The following ERICH1 variants were observed in gnomAD, a reference collection of about 807,000 sequenced individuals.
ERICH1 encodes the protein glutamate-rich protein 1.
In ERICH1, 56 loss-of-function variants were observed where a neutral mutation model predicts 39.6. The observed-to-expected ratio is 1.41, with a 90% confidence interval of 1.14 to 1.77. The LOEUF is 1.77. Among genes scored for constraint, ERICH1 ranks in the 40% most tolerant of loss-of-function variants. The probability of loss-of-function intolerance (pLI) is 0.00; values close to 1 mark genes in which losing one functional copy is unlikely to be tolerated. For missense variants in ERICH1, 826 were observed against 575.4 expected (o/e 1.44, Z -4.45); for synonymous variants, 313 against 223.6 (o/e 1.40, Z -3.57).
At chr8:699,025 G>C (rs555286492) in intron 2 of ERICH1, among the ~76,000 whole-genome samples, 1 of 151,830 alleles carries the variant, frequency 6.6e-6, no homozygotes, top group Non-Finnish European at 1.5e-5. Context: ...AGGCTCAGTG[G>C]AGCCCAGGAG....
chr8:677,364 T>C (rs1585222184), intron 3 of ERICH1, among the ~76,000 whole-genome samples: 1 of 152,208 alleles, frequency 6.6e-6, no homozygotes, highest in Non-Finnish European at 1.5e-5. Flanking sequence ...CCACCGTGTC[T>C]TGTTGTGATT....
chr8:729,223 G>C (rs1352769149), intron 1 of ERICH1, among the ~76,000 whole-genome samples: 1 of 152,224 alleles, frequency 6.6e-6, no homozygotes, highest in Non-Finnish European at 1.5e-5. Flanking sequence ...AGTCAGTTCT[G>C]TGTGGGGTCT....
At chr8:683,722 C>G (rs1025176328) in intron 3 of ERICH1, among the ~76,000 whole-genome samples, 1 of 152,164 alleles carries the variant, frequency 6.6e-6, no homozygotes, top group Non-Finnish European at 1.5e-5. Flanking sequence ...AATCTAGATG[C>G]TAAAGTTTTG....
chr8:639,300 T>C (rs1410699887), intron 3 of ERICH1, among the ~76,000 whole-genome samples: 2 of 152,194 alleles, frequency 1.3e-5, no homozygotes, highest in Non-Finnish European at 2.9e-5. Flanking sequence ...TCGCAGAGCA[T>C]CTGTGACCCC....
At position 633,162 on chromosome 8, in the gene ERICH1, C is replaced by T. The variant is rs74741543; in HGVS notation, c.977-17878G>A. ...GACAGACGGAAACCAGTGTGGAGCC[C>T]GCGTGGGGCCGCCCAGGACAGACGG... On this transcript the variant is annotated intron_variant, in intron 3 of 3. Coordinates refer to the ERICH1 transcript ENST00000522706. Among the ~76,000 whole-genome samples the T allele has an allele frequency of 7.9e-3, 1,197 of 152,214 alleles. 14 individuals carry two copies. Among genetic ancestry groups the T allele is most frequent in the African/African-American group, 0.027 (1,132 of 41,528 alleles).
intron 3 of ERICH1, among the ~76,000 whole-genome samples, chr8:630,697 C>T (rs1217231487): frequency 1.7e-5 from 2 of 117,034 alleles, no homozygotes; most frequent in Non-Finnish European, 1.8e-5. Context: ...AGCACCCACA[C>T]GGACAGAGCT....
intron 3 of ERICH1, among the ~76,000 whole-genome samples, chr8:676,544 C>CAGAGGCAT: frequency 6.6e-6 from 1 of 152,024 alleles, no homozygotes; most frequent in South Asian, 2.1e-4. Context: ...GACAGAGGCA[C>CAGAGGCAT]ACTACCCGTG....
chr8:677,740 G>A (rs1162629843), intron 3 of ERICH1, among the ~76,000 whole-genome samples: 1 of 152,182 alleles, frequency 6.6e-6, no homozygotes, highest in Non-Finnish European at 1.5e-5. Flanking sequence ...AAATGTGACT[G>A]CCTTCATGAA....
At chr8:634,176 A>ACC (rs201670526) in intron 3 of ERICH1, among the ~76,000 whole-genome samples, 1 of 138,990 alleles carries the variant, frequency 7.2e-6, no homozygotes, top group Non-Finnish European at 1.6e-5. Flanking sequence ...CTCAAAAAAA[A>ACC]AAAAAAAAAA....
At chr8:670,297 A>G (rs932734151) in intron 4 of ERICH1, among the ~76,000 whole-genome samples, 11 of 151,836 alleles carry the variant, frequency 7.2e-5, no homozygotes, top group Non-Finnish European at 1.5e-4. Context: ...TCCTTATCTG[A>G]TAACATCGGC....
In ERICH1 at chr8:673,704, T is replaced by A. The variant is rs1803999043; in HGVS notation, c.648A>T (p.Glu216Asp). 2 of 1,614,048 alleles carry A rather than the reference T, an allele frequency of 1.2e-6. No individual in the cohort carries two copies. The highest frequency in any genetic ancestry group is 1.3e-5 in the African/African-American group (1 of 74,956). Reference sequence around the variant, plus strand: ...CTTCCTCCCCGGCCAGTGTCGGGTCTTCCTCGCTGGTGTCCACACCATCCT... The same window carrying A: ...CTTCCTCCCCGGCCAGTGTCGGGTCATCCTCGCTGGTGTCCACACCATCCT... Reference protein sequence around the residue: ...CEEDGVDTSEEDPTLAGEEDV... With the variant: ...CEEDGVDTSEDDPTLAGEEDV... The change falls in exon 4 of 6, where the codon GAA becomes GAT. Residue 216 changes from glutamate (E) to aspartate (D), a missense_variant. Transcript: ENST00000262109.
chr8:687,857 C>A (rs1283679381), intron 3 of ERICH1, among the ~76,000 whole-genome samples: 3 of 152,260 alleles, frequency 2.0e-5, no homozygotes, highest in African/African-American at 7.2e-5. Flanking sequence ...GGTCCCGCCC[C>A]GAGAACGGAG....
rs542424510 is a variant in ERICH1, at chr8:727,112, GCA to G, written c.22+4026_22+4027del. Among the ~76,000 whole-genome samples the G allele has an allele frequency of 4.7e-4, 71 of 151,708 alleles. 1 individual carries two copies. In the South Asian group the frequency reaches 0.011, roughly 24 times the overall value. On this transcript the variant is annotated intron_variant, in intron 1 of 5. Transcript: ENST00000262109. Reference sequence around the variant, plus strand: ...ACACCACAAAGGCACACACATGCATGCACAGATACACACCACACACACCTGCA... The same window carrying G: ...ACACCACAAAGGCACACACATGCATGCAGATACACACCACACACACCTGCA...
intron 3 of ERICH1, among the ~76,000 whole-genome samples, chr8:679,803 G>T (rs531543046): frequency 6.6e-6 from 1 of 152,224 alleles, no homozygotes; most frequent in East Asian, 1.9e-4. Flanking sequence ...GAGACAACGT[G>T]TGCAAGAGCT....
chr8:635,999 C>T (rs993825109), intron 3 of ERICH1, among the ~76,000 whole-genome samples: 2 of 152,240 alleles, frequency 1.3e-5, no homozygotes, highest in Non-Finnish European at 2.9e-5. Context: ...AGAAACAGCC[C>T]AAAGCTGCAC....
intron 2 of ERICH1, among the ~76,000 whole-genome samples, chr8:708,692 T>TTTTTTTTTTG (rs1563319583): frequency 0.01 from 183 of 17,708 alleles, 7 homozygotes; most frequent in Non-Finnish European, 0.023. Context: ...TTTTTTTTTT[T>TTTTTTTTTTG]TTTTTTTTTT....
At chr8:681,019 T>C (rs1805998710) in intron 3 of ERICH1, among the ~76,000 whole-genome samples, 1 of 152,202 alleles carries the variant, frequency 6.6e-6, no homozygotes, top group Non-Finnish European at 1.5e-5. Flanking sequence ...TGCAGACTCA[T>C]GAACTGCACA....
At chr8:715,534 G>A (rs970762420) in intron 2 of ERICH1, among the ~76,000 whole-genome samples, 3 of 152,250 alleles carry the variant, frequency 2.0e-5, no homozygotes, top group Non-Finnish European at 4.4e-5. Flanking sequence ...CTGGGGGCAT[G>A]GTGTATGGTG....
chr8:726,701 C>T (rs1818784738), intron 1 of ERICH1, among the ~76,000 whole-genome samples: 1 of 151,408 alleles, frequency 6.6e-6, no homozygotes, highest in Non-Finnish European at 1.5e-5. Context: ...CACAGGCACA[C>T]ACATGTACAC....
Sources: allele counts gnomAD v4.1 joint callset (sites outside exome capture counted in the v4.1 genomes callset), GRCh38; gene constraint gnomAD v4.1.1; transcripts MANE v1.5; gene names NCBI Gene and HGNC (gene_info 2026-07-23, HGNC 2026-07-21).